DENND4A: variants seen among roughly 807,000 people sequenced by gnomAD.
The protein encoded by DENND4A is C-myc promoter-binding protein.
In DENND4A, 70 loss-of-function variants were observed where a neutral mutation model predicts 199.3. The observed-to-expected ratio is 0.35, with a 90% CI of 0.29 to 0.43. DENND4A has a LOEUF of 0.43. Ranked by LOEUF, DENND4A falls within the 20% of genes least tolerant of loss-of-function variation. DENND4A has a pLI of 1.00. For synonymous variants in DENND4A, 686 were observed against 766.9 expected (o/e 0.89, Z 1.74); for missense variants, 1,723 against 2,255.8 (o/e 0.76, Z 4.78).
Position 65,717,786 on chromosome 15 carries a change from G to A in DENND4A, c.1799C>T (p.Ala600Val). 6.2e-7 allele frequency: 1 copy of A among 1,600,134 alleles called. No homozygotes were observed. Residue 600 changes from alanine to valine, a missense_variant, in exon 13 of 33, where the codon GCC (alanine) becomes GTC (valine). By Grantham distance (64) the Ala-to-Val change is moderately conservative. This residue lies in a region of DENND4A where 725 missense variants were observed against 952.9 expected (regional missense o/e 0.76). Coordinates refer to ENST00000443035, the MANE Select transcript of DENND4A (RefSeq NM_001320835.1). The part of the protein sequence containing the change: ...ETATDAASLF[A>V]LQAFLRSRDR... ...ACTATGCAGTCACTCACCTTGTAGG[G>A]CAAAGAGAGAGGCTGCATCTGTGGC...
intron 4 of DENND4A, among the ~76,000 whole-genome samples, chr15:65,746,141 C>CA (rs776975727): frequency 0.026 from 2,484 of 95,988 alleles, 60 homozygotes; most frequent in African/African-American, 0.077. Flanking sequence ...AACTCCGTCT[C>CA]AAAAAAAAAA....
intron 1 of DENND4A, among the ~76,000 whole-genome samples, chr15:65,780,265 T>C (rs2077404018): frequency 2.6e-5 from 4 of 152,216 alleles, no homozygotes; most frequent in South Asian, 2.1e-4. Flanking sequence ...AATAAAAAAA[T>C]ATAGTCTTAG....
intron 2 of DENND4A, among the ~76,000 whole-genome samples, 198 bp downstream of exon 2, chr15:65,761,162 G>C (rs75319965): frequency 1.6e-4 from 25 of 152,244 alleles, no homozygotes; most frequent in African/African-American, 6.0e-4. Flanking sequence ...CTAATAAATG[G>C]TGTTGAATTA....
At chr15:65,689,977 C>A (rs980821371) in intron 23 of DENND4A, among the ~76,000 whole-genome samples, 1 of 152,166 alleles carries the variant, frequency 6.6e-6, no homozygotes, top group Non-Finnish European at 1.5e-5. Context: ...TAAACAGATA[C>A]TTTCTCTATT....
chr15:65,693,920 A>G (rs564737056), intron 22 of DENND4A, among the ~76,000 whole-genome samples: 6 of 152,074 alleles, frequency 3.9e-5, no homozygotes, highest in Non-Finnish European at 8.8e-5. Context: ...TAGAATCTAA[A>G]AGATATTTAC....
intron 28 of DENND4A, 28 bp from the exon 29 acceptor site, chr15:65,667,731 GC>G (rs1352734494): frequency 6.3e-7 from 1 of 1,589,130 alleles, no homozygotes; most frequent in East Asian, 2.2e-5. Flanking sequence ...ACCATAAATG[GC>G]AAATGCAAAA....
intron 3 of DENND4A, among the ~76,000 whole-genome samples, chr15:65,753,036 C>T (rs1053846415): frequency 2.6e-5 from 4 of 152,132 alleles, no homozygotes; most frequent in African/African-American, 9.7e-5. Context: ...AGTCTGCTTG[C>T]ACGCTTTTAT....
intron 1 of DENND4A, chr15:65,766,923 G>C (rs1042628490): frequency 5.3e-5 from 8 of 152,164 alleles, no homozygotes; most frequent in African/African-American, 1.7e-4. Flanking sequence ...CCAGAAATTA[G>C]GTTGCAGCTG....
intron 24 of DENND4A, among the ~76,000 whole-genome samples, chr15:65,673,066 TG>T (rs773957259): frequency 6.6e-6 from 1 of 152,030 alleles, no homozygotes; most frequent in Non-Finnish European, 1.5e-5. Context: ...TTCACCATGT[TG>T]GCCAGGATGG....
At chr15:65,757,711 G>A (rs1232459424) in intron 2 of DENND4A, among the ~76,000 whole-genome samples, 2 of 152,022 alleles carry the variant, frequency 1.3e-5, no homozygotes, top group East Asian at 1.9e-4. Flanking sequence ...GGCCGAGCGC[G>A]GTGGCTCACG....
intron 1 of DENND4A, among the ~76,000 whole-genome samples, chr15:65,779,610 C>T (rs1442470549): frequency 6.7e-6 from 1 of 149,298 alleles, no homozygotes; most frequent in East Asian, 2.1e-4. Context: ...CCACCTCAGC[C>T]TCTACAGGGG....
intron 7 of DENND4A, 92 bp from the exon 8 acceptor site, chr15:65,732,910 G>T: frequency 1.4e-6 from 1 of 720,346 alleles, no homozygotes; most frequent in Non-Finnish European, 2.4e-6. Flanking sequence ...TTGAGTCAAA[G>T]CCCTGTGTCC....
intron 11 of DENND4A, among the ~76,000 whole-genome samples, chr15:65,724,717 C>G (rs961698998): frequency 2.6e-5 from 4 of 152,172 alleles, no homozygotes; most frequent in African/African-American, 9.7e-5. Flanking sequence ...CTGCAGATGT[C>G]CTGCTGTGAA....
intron 5 of DENND4A, among the ~76,000 whole-genome samples, chr15:65,739,824 A>G (rs1484402277): frequency 6.6e-6 from 1 of 152,190 alleles, no homozygotes; most frequent in African/African-American, 2.4e-5. Flanking sequence ...TCTATAGTTA[A>G]CTCTGTACTA....
intron 4 of DENND4A, among the ~76,000 whole-genome samples, chr15:65,742,073 C>T (rs554506619): frequency 1.3e-5 from 2 of 152,206 alleles, no homozygotes; most frequent in South Asian, 4.1e-4. Flanking sequence ...ATTCTGAGTC[C>T]AAACTGTGGG....
At chr15:65,736,823 G>A (rs563859488) in intron 7 of DENND4A, among the ~76,000 whole-genome samples, 2 of 152,242 alleles carry the variant, frequency 1.3e-5, no homozygotes, top group South Asian at 4.1e-4. Context: ...GCCCAGCTAT[G>A]TTTAATTAAG....
At chr15:65,701,705 T>C (rs934867145) in intron 18 of DENND4A, 57 bp downstream of exon 18, 4 of 1,521,248 alleles carry the variant, frequency 2.6e-6, no homozygotes, top group African/African-American at 1.4e-5. Context: ...ATTTCTGCCA[T>C]TAATGTTGCA....
intron 15 of DENND4A, among the ~76,000 whole-genome samples, chr15:65,703,392 C>T (rs953228717): frequency 1.3e-5 from 2 of 152,194 alleles, no homozygotes; most frequent in African/African-American, 2.4e-5. Flanking sequence ...TCAAAAAGGG[C>T]AATCATTAAT....
intron 1 of DENND4A, among the ~76,000 whole-genome samples, chr15:65,764,596 A>G (rs2076933167): frequency 1.3e-5 from 2 of 152,200 alleles, no homozygotes; most frequent in South Asian, 4.1e-4. Context: ...GTGCCACTGC[A>G]CTCCAACCTG....
Sources: gnomAD v4.1 joint callset for allele counts (sites outside exome capture counted in the v4.1 genomes callset) on GRCh38, gnomAD v4.1.1 for gene constraint, gnomAD v4.1.1 regional missense constraint, MANE v1.5 for transcripts, NCBI Gene and HGNC (gene_info 2026-07-23, HGNC 2026-07-21) for gene names.